The following SNX31 variants were observed in gnomAD, a reference collection of about 807,000 sequenced individuals.
SNX31 encodes sorting nexin-31.
SNX31 carries 58 observed loss-of-function variants against 65.4 expected under a neutral mutation model. That is an observed-to-expected ratio of 0.89 (90% CI 0.72 to 1.10). The LOEUF is 1.10. Ranked by LOEUF, SNX31 falls within the 50% of genes least tolerant of loss-of-function variation. The pLI is 0.00. For synonymous variants in SNX31, 181 were observed against 190.1 expected (o/e 0.95, Z 0.39); for missense variants, 523 against 529.7 (o/e 0.99, Z 0.12).
chr8:100,637,985 T>C (rs961853751), intron 2 of SNX31, among the ~76,000 whole-genome samples: 6 of 152,162 alleles, frequency 3.9e-5, no homozygotes, highest in Admixed American at 3.3e-4. Context: ...TGTGAGCCAC[T>C]GCACCCAGCC....
At chr8:100,641,583 T>A (rs1386930470) in intron 2 of SNX31, among the ~76,000 whole-genome samples, 5 of 24,676 alleles carry the variant, frequency 2.0e-4, no homozygotes, top group African/African-American at 2.9e-4. Flanking sequence ...TATATATATA[T>A]ATATATATAT....
chr8:100,641,625 CATATAT>C (rs368399829), intron 2 of SNX31, among the ~76,000 whole-genome samples: 2,038 of 48,512 alleles, frequency 0.042, 56 homozygotes, highest in African/African-American at 0.083. Context: ...CACACACGCG[CATATAT>C]ATATATATAT....
chr8:100,660,490 G>T lies in SNX31; in HGVS notation c.-58+2652C>A, dbSNP rs1809764260. On this transcript the variant is annotated intron_variant, in intron 1 of 5. Coordinates refer to the SNX31 transcript ENST00000520352. This position sits in a 1 kb window ranked among gnomAD's most constrained non-coding sequence, Gnocchi z 4.1. ...TTTACCCATGCCCGCAGGCTCTTCA[G>T]AGTGATACTAAATGATTGTGTTTTA... Among the ~76,000 whole-genome samples the T allele has an allele frequency of 6.6e-6, 1 of 152,184 alleles. No homozygotes were observed. The highest frequency in any genetic ancestry group is 6.5e-5 in the Admixed American group (1 of 15,288).
chr8:100,646,345 C>T (rs1305446901), intron 2 of SNX31, among the ~76,000 whole-genome samples: 1 of 151,984 alleles, frequency 6.6e-6, no homozygotes, highest in Non-Finnish European at 1.5e-5. Context: ...GAGGAGAGAC[C>T]CGGCAAGCAA....
intron 2 of SNX31, among the ~76,000 whole-genome samples, chr8:100,641,545 C>CAAAAAA (rs1173913088): frequency 9.7e-5 from 1 of 10,258 alleles, no homozygotes; most frequent in East Asian, 2.9e-3. Flanking sequence ...GACCTTGTCT[C>CAAAAAA]AAAAAAAAAA....
In SNX31 at chr8:100,594,710, T is replaced by C. The variant is rs1814904876; in HGVS notation, c.978+1929A>G. On this transcript the variant is annotated intron_variant, in intron 10 of 13. Transcript: ENST00000311812. The surrounding 1 kb of genome is among the most constrained non-coding windows in gnomAD (Gnocchi z 4.0). ...CATTGCTGGTGGGAATGTAAAATGA[T>C]GTAGCCATTCTCAAAAACAATTCGG... Among the ~76,000 whole-genome samples, 1 of 152,182 alleles carries C rather than the reference T, an allele frequency of 6.6e-6. No individual in the cohort carries two copies. The highest frequency in any genetic ancestry group is 1.5e-5 in the Non-Finnish European group (1 of 68,034).
chr8:100,577,186 AAGGCTGCCGGTCAGC>A, intron 12 of SNX31, 111 bp from the exon 13 acceptor site: 2 of 908,926 alleles, frequency 2.2e-6, no homozygotes, highest in South Asian at 3.3e-5. Context: ...AATCGTCCCA[AAGGCTGCCGGTCAGC>A]AGGTACACCT....
chr8:100,583,412 T>C (rs997543959), intron 12 of SNX31, among the ~76,000 whole-genome samples: 1 of 151,672 alleles, frequency 6.6e-6, no homozygotes, highest in Admixed American at 6.7e-5. Context: ...GCCCCAGGCA[T>C]TGGTATTTCT....
chr8:100,653,298 C>T (rs1820005628), upstream of SNX31, among the ~76,000 whole-genome samples: 1 of 152,138 alleles, frequency 6.6e-6, no homozygotes, highest in Non-Finnish European at 1.5e-5. Flanking sequence ...GTCCATGGTT[C>T]CTGGAGGATT....
At chr8:100,606,429 A>G (rs1268897528) in intron 8 of SNX31, among the ~76,000 whole-genome samples, 3 of 152,206 alleles carry the variant, frequency 2.0e-5, no homozygotes, top group African/African-American at 7.2e-5. Context: ...TAAACATTTA[A>G]TAAGTGATAT....
Position 100,604,346 on chromosome 8 carries a change from G to A in SNX31, c.682-3905C>T, listed in dbSNP as rs750327361. Among the ~76,000 whole-genome samples the A allele has an allele frequency of 2.6e-5, 4 of 152,200 alleles. No individual in the cohort carries two copies. The highest frequency in any genetic ancestry group is 5.9e-5 in the Non-Finnish European group (4 of 68,046). ...GTCTTCCTGACCTTCAGTCTCACAC[G>A]CTCTAGTGTCCTCTGCAGAGGGCAC... On this transcript the variant is annotated intron_variant, in intron 8 of 13. Coordinates refer to ENST00000311812, the MANE Select transcript of SNX31 (RefSeq NM_152628.4). This position sits in a 1 kb window ranked among gnomAD's most constrained non-coding sequence, Gnocchi z 4.3.
chr8:100,656,652 A>AG (rs1563594474), intron 1 of SNX31, among the ~76,000 whole-genome samples: 1 of 151,526 alleles, frequency 6.6e-6, no homozygotes, highest in African/African-American at 2.4e-5. Context: ...AAAAAAAAAA[A>AG]AAAAAAAAAA....
Position 100,630,441 on chromosome 8 carries a change from T to C in SNX31, c.257-50A>G, listed in dbSNP as rs1477696503. 4 of 1,491,600 alleles carry C rather than the reference T, an allele frequency of 2.7e-6. No individual in the cohort carries two copies. Among genetic ancestry groups the C allele is most frequent in the African/African-American group, 1.4e-5 (1 of 71,460 alleles). The allele number at this position is 1,491,600 out of a possible 1,614,324, so 92.4% of individuals were successfully genotyped here. ...GGTTAGCATGGGCTGGGCTGGGCCC[T>C]GCCTATTAATTGCTATGTCCTCCAG... On this transcript the variant is annotated intron_variant, in intron 3 of 13. Coordinates refer to ENST00000311812, the MANE Select transcript of SNX31 (RefSeq NM_152628.4). The surrounding 1 kb of genome is among the most constrained non-coding windows in gnomAD (Gnocchi z 5.3).
At chr8:100,632,109 G>T (rs912479928) in intron 3 of SNX31, among the ~76,000 whole-genome samples, 4 of 152,142 alleles carry the variant, frequency 2.6e-5, no homozygotes, top group Admixed American at 1.3e-4. Context: ...TTGACACTGG[G>T]TCTGATTTGA....
rs141623610 is a variant in SNX31 at position 100,586,223 on chromosome 8, C to T, written c.1093-2035G>A. On this transcript the variant is annotated intron_variant, in intron 11 of 13. Coordinates refer to ENST00000311812, the MANE Select transcript of SNX31 (RefSeq NM_152628.4). ...GGCATGAGCCACTGCGCCTGGCCAA[C>T]AATTCAGATTTCATTTAAAAGGTCT... Among the ~76,000 whole-genome samples the T allele has an allele frequency of 8.8e-3, 1,335 of 152,296 alleles. 31 individuals are homozygous for T. The highest frequency in any genetic ancestry group is 0.031 in the African/African-American group (1,291 of 41,560).
intron 12 of SNX31, among the ~76,000 whole-genome samples, chr8:100,577,882 C>A (rs1372299456): frequency 6.6e-6 from 1 of 152,218 alleles, no homozygotes. Context: ...TTCTCCCACC[C>A]TCCAATCTCC....
At position 100,604,524 on chromosome 8, in the gene SNX31, C is replaced by T. The variant is rs1474088213; in HGVS notation, c.681+3970G>A. ...CAGGAAGCCAAAGGTCAGCCCCCCT[C>T]CACTCACCAAGCCATGGGCCCCGAT... On this transcript the variant is annotated intron_variant, in intron 8 of 13. Transcript: ENST00000311812. This position sits in a 1 kb window ranked among gnomAD's most constrained non-coding sequence, Gnocchi z 4.3. Among the ~76,000 whole-genome samples the T allele has an allele frequency of 6.6e-6, 1 of 152,224 alleles. No individual in the cohort carries two copies. Among genetic ancestry groups the T allele is most frequent in the East Asian group, 1.9e-4 (1 of 5,186 alleles).
intron 1 of SNX31, among the ~76,000 whole-genome samples, chr8:100,659,353 CAAAAA>C (rs148671568): frequency 3.8e-4 from 27 of 71,450 alleles, no homozygotes; most frequent in Admixed American, 1.6e-3. Flanking sequence ...AACTCCATCA[CAAAAA>C]AAAAAAAAAA....
At chr8:100,600,670 C>G (rs916373217) in intron 8 of SNX31, among the ~76,000 whole-genome samples, 5 of 152,056 alleles carry the variant, frequency 3.3e-5, no homozygotes, top group African/African-American at 4.8e-5. Flanking sequence ...GCTCTTTCCC[C>G]ACACCACCTA....
Sources: gnomAD v4.1 joint callset for allele counts (sites outside exome capture counted in the v4.1 genomes callset) on GRCh38, gnomAD v4.1.1 for gene constraint, Gnocchi (gnomAD v3.1) non-coding constraint, MANE v1.5 for transcripts, NCBI Gene and HGNC (gene_info 2026-07-23, HGNC 2026-07-21) for gene names.